CHL1: variants seen among roughly 807,000 people sequenced by gnomAD.
CHL1 encodes cell adhesion molecule L1 like.
Under a neutral mutation model 141.9 loss-of-function variants are expected in CHL1, and 96 were observed. The observed-to-expected ratio is 0.68, with a 90% CI of 0.57 to 0.80. The LOEUF (loss-of-function observed/expected upper bound fraction) is 0.80. Ranked by LOEUF, CHL1 falls within the 30% of genes least tolerant of loss-of-function variation. The pLI is 0.00. For synonymous variants in CHL1, 613 were observed against 502.2 expected (o/e 1.22, Z -2.95); for missense variants, 1,820 against 1,457.2 (o/e 1.25, Z -4.05).
chr3:212,068 A>G (rs1270451967), intron 1 of CHL1, among the ~76,000 whole-genome samples: 5 of 152,196 alleles, frequency 3.3e-5, no homozygotes, highest in African/African-American at 7.2e-5. Flanking sequence ...TTTACATGAC[A>G]TAACCTAAAA....
intron 1 of CHL1, among the ~76,000 whole-genome samples, chr3:206,883 T>C (rs1699486853): frequency 6.6e-6 from 1 of 152,272 alleles, no homozygotes; most frequent in Non-Finnish European, 1.5e-5. Context: ...GGGTATTATA[T>C]GTAACCAATT....
chr3:382,298 A>G lies in CHL1; in HGVS notation c.1978+18A>G. The G allele has an allele frequency of 6.2e-7, 1 of 1,602,178 alleles. No individual in the cohort carries two copies. The highest frequency in any genetic ancestry group is 8.5e-7 in the Non-Finnish European group (1 of 1,169,656). ...TATTAGCGGTAGGAAGACTTGGGAT[A>G]ACTGTTTTCATTACTCTAGATAGTC... is the stretch of plus-strand genomic sequence containing the variant. On this transcript the variant is annotated intron_variant, in intron 17 of 27. Transcript: ENST00000256509.
Position 283,256 on chromosome 3 carries a change from C to A in CHL1, c.-94-36427C>A, listed in dbSNP as rs547723666. On this transcript the variant is annotated intron_variant, in intron 2 of 27. Transcript: ENST00000256509. ...CATTAGCATTCAATGCAGAAATTAG[C>A]CTGCAGTCTTCCCCTAATGTTTGCA... Among the ~76,000 whole-genome samples the A allele has an allele frequency of 7.9e-5, 12 of 152,280 alleles. No individual in the cohort carries two copies. The South Asian group carries it at 2.3e-3, about 29-fold the overall frequency.
At chr3:362,715 T>G (rs559885168) in intron 13 of CHL1, among the ~76,000 whole-genome samples, 1 of 152,196 alleles carries the variant, frequency 6.6e-6, no homozygotes, top group Non-Finnish European at 1.5e-5. Flanking sequence ...TGGCTGAATG[T>G]TGGAGGAAAT....
At chr3:226,374 T>TATATA (rs1553577519) in intron 1 of CHL1, among the ~76,000 whole-genome samples, 1 of 144,304 alleles carries the variant, frequency 6.9e-6, no homozygotes, top group Non-Finnish European at 1.5e-5. Flanking sequence ...ATAGAATATT[T>TATATA]TATATATATA....
chr3:337,449 G>A (rs1442379073), intron 5 of CHL1, among the ~76,000 whole-genome samples: 1 of 151,910 alleles, frequency 6.6e-6, no homozygotes, highest in Non-Finnish European at 1.5e-5. Flanking sequence ...CGTGTGCCAT[G>A]CTGGTGTGCT....
At chr3:259,663 T>C (rs1313009504) in intron 2 of CHL1, among the ~76,000 whole-genome samples, 2 of 152,204 alleles carry the variant, frequency 1.3e-5, no homozygotes, top group Non-Finnish European at 2.9e-5. Flanking sequence ...CCAAGCATTT[T>C]ATATCTTTTT....
intron 2 of CHL1, among the ~76,000 whole-genome samples, chr3:253,481 C>G (rs1285457473): frequency 1.3e-5 from 2 of 152,098 alleles, no homozygotes; most frequent in African/African-American, 2.4e-5. Context: ...GTAGCTGGTT[C>G]CCTCTCTACC....
intron 15 of CHL1, among the ~76,000 whole-genome samples, chr3:374,595 GCTAT>G (rs528253055): frequency 6.6e-6 from 1 of 152,282 alleles, no homozygotes; most frequent in South Asian, 2.1e-4. Context: ...TGAACCTCTG[GCTAT>G]CTGAGTGGAC....
At chr3:259,226 A>G (rs1051163717) in intron 2 of CHL1, among the ~76,000 whole-genome samples, 1 of 151,940 alleles carries the variant, frequency 6.6e-6, no homozygotes, top group African/African-American at 2.4e-5. Context: ...TGGCCTGCAA[A>G]TGTCTTTCTA....
At chr3:337,845 G>A (rs948903815) in intron 5 of CHL1, among the ~76,000 whole-genome samples, 1 of 152,140 alleles carries the variant, frequency 6.6e-6, no homozygotes, top group Non-Finnish European at 1.5e-5. Flanking sequence ...GTGTGCATGT[G>A]TCTTCATAGC....
At chr3:360,135 C>T in intron 11 of CHL1, 149 bp from the exon 12 acceptor site, 1 of 775,826 alleles carries the variant, frequency 1.3e-6, no homozygotes, top group Non-Finnish European at 2.0e-6. Flanking sequence ...AGTTGATGTT[C>T]AGAAAACCTA....
chr3:316,340 C>T (rs781427517), intron 2 of CHL1, among the ~76,000 whole-genome samples: 12 of 151,948 alleles, frequency 7.9e-5, no homozygotes, highest in Non-Finnish European at 1.5e-4. Context: ...CTTCTTAACT[C>T]CTATGTCAGT....
chr3:382,451 T>C (rs1034962351), intron 17 of CHL1, 23 bp from the exon 18 acceptor site: 1 of 1,596,092 alleles, frequency 6.3e-7, no homozygotes, highest in East Asian at 2.2e-5. Context: ...ATTCTAATAT[T>C]TTTTCCCTGT....
chr3:238,908 G>A (rs1383061120), intron 1 of CHL1, among the ~76,000 whole-genome samples: 1 of 152,120 alleles, frequency 6.6e-6, no homozygotes, highest in Non-Finnish European at 1.5e-5. Flanking sequence ...ACTCCAGCCT[G>A]GGTGACAAGA....
intron 2 of CHL1, among the ~76,000 whole-genome samples, chr3:287,961 T>A (rs1186587851): frequency 6.6e-6 from 1 of 152,120 alleles, no homozygotes; most frequent in African/African-American, 2.4e-5. Context: ...AGAGATGGGG[T>A]TTTACCCTGT....
chr3:277,833 C>T (rs1696289848), intron 2 of CHL1, among the ~76,000 whole-genome samples: 1 of 152,174 alleles, frequency 6.6e-6, no homozygotes, highest in African/African-American at 2.4e-5. Context: ...TGACACATTC[C>T]TTTATTACAT....
intron 3 of CHL1, among the ~76,000 whole-genome samples, chr3:321,296 C>A (rs1210256775): frequency 6.6e-6 from 1 of 152,018 alleles, no homozygotes; most frequent in Non-Finnish European, 1.5e-5. Context: ...TTCCACTTAT[C>A]TGACCTACAA....
chr3:293,358 C>G (rs1338898851), intron 2 of CHL1, among the ~76,000 whole-genome samples: 1 of 152,062 alleles, frequency 6.6e-6, no homozygotes, highest in Non-Finnish European at 1.5e-5. Flanking sequence ...AAAAAATTAG[C>G]CGGGCATGAT....
Sources: gnomAD v4.1 joint callset for allele counts (sites outside exome capture counted in the v4.1 genomes callset) on GRCh38, gnomAD v4.1.1 for gene constraint, MANE v1.5 for transcripts, NCBI Gene and HGNC (gene_info 2026-07-23, HGNC 2026-07-21) for gene names.